C9: variants seen among roughly 807,000 people sequenced by gnomAD.
C9 encodes complement component C9.
C9 carries 63 observed loss-of-function variants against 65.4 expected under a neutral mutation model. The ratio of observed to expected loss-of-function variants is 0.96; its 90% CI spans 0.79 to 1.19. C9 has a LOEUF of 1.19. Among genes scored for constraint, C9 ranks in the 50% most tolerant of loss-of-function variants. The pLI is 0.00. For synonymous variants in C9, 229 were observed against 227.9 expected, an observed-to-expected ratio of 1.00 and a Z score of -0.04; for missense variants, 744 against 670.1, an observed-to-expected ratio of 1.11 and a Z score of -1.22.
In C9 at chr5:39,313,014, T is replaced by C. The variant is rs372155201; in HGVS notation, c.871-1637A>G. Reference sequence around the variant, plus strand: ...GCATATTTGGATTTCTTTTCAGTTTTGCTAAAACTGGGAGGTATATCTTGG... The same window carrying C: ...GCATATTTGGATTTCTTTTCAGTTTCGCTAAAACTGGGAGGTATATCTTGG... On this transcript the variant is annotated intron_variant, in intron 6 of 10. Transcript: ENST00000263408. 7.2e-5 allele frequency among the ~76,000 whole-genome samples: 11 copies of C among 152,204 alleles called. No individual in the cohort carries two copies. The South Asian group carries it at 1.7e-3, about 23-fold the overall frequency.
In C9 at chr5:39,362,265, C is replaced by T. The variant is rs151223083; in HGVS notation, c.77+2123G>A. 3.8e-3 allele frequency among the ~76,000 whole-genome samples: 572 copies of T among 152,214 alleles called. 1 individual carries two copies. Among genetic ancestry groups the T allele is most frequent in the Middle Eastern group, 0.014 (4 of 294 alleles). ...AGAGGTAATCAAGTTAAAATGACATCGTTAGGGTGGGCCCTAATCCAATAT... is the reference window on the plus strand; with the variant it reads ...AGAGGTAATCAAGTTAAAATGACATTGTTAGGGTGGGCCCTAATCCAATAT... On this transcript the variant is annotated intron_variant, in intron 1 of 10. Transcript: ENST00000263408.
At chr5:39,350,978 T>C (rs896355410) in intron 1 of C9, among the ~76,000 whole-genome samples, 3 of 152,326 alleles carry the variant, frequency 2.0e-5, no homozygotes, top group African/African-American at 7.2e-5. Flanking sequence ...ACCGTCCCTA[T>C]AGCAAACTTC....
chr5:39,319,503 T>C (rs1753629688), intron 5 of C9, among the ~76,000 whole-genome samples: 1 of 152,092 alleles, frequency 6.6e-6, no homozygotes, highest in South Asian at 2.1e-4. Context: ...ACTCCAGCTA[T>C]AACCCAATGC....
Position 39,302,666 on chromosome 5 carries a change from G to C in C9, c.1416+3951C>G, listed in dbSNP as rs145017297. 2.7e-3 allele frequency among the ~76,000 whole-genome samples: 415 copies of C among 152,238 alleles called. 1 individual carries two copies. Among genetic ancestry groups the C allele is most frequent in the Non-Finnish European group, 3.8e-3 (258 of 68,016 alleles). On this transcript the variant is annotated intron_variant, in intron 9 of 10. Transcript: ENST00000263408. ...AATACAGCTTAACATATAGACATAT[G>C]AGTGGTTGAGGGAAATGGGAAAGGA...
At chr5:39,285,751 C>T (rs541144912) in intron 10 of C9, among the ~76,000 whole-genome samples, 2 of 150,492 alleles carry the variant, frequency 1.3e-5, no homozygotes, top group Non-Finnish European at 3.0e-5. Context: ...CAATGACCAA[C>T]CTGGTTGAGA....
intron 5 of C9, among the ~76,000 whole-genome samples, chr5:39,319,465 A>G (rs1398950743): frequency 6.6e-6 from 1 of 152,028 alleles, no homozygotes; most frequent in Non-Finnish European, 1.5e-5. Context: ...CTGTAGCCCT[A>G]GACTCAGGAT....
At chr5:39,304,915 C>T (rs1339897335) in intron 9 of C9, among the ~76,000 whole-genome samples, 1 of 152,058 alleles carries the variant, frequency 6.6e-6, no homozygotes. Context: ...CAGCAGCTGC[C>T]TTATTTACTT....
intron 10 of C9, 128 bp from the exon 11 acceptor site, chr5:39,285,361 G>T (rs1412256553): frequency 4.0e-6 from 3 of 754,994 alleles, no homozygotes; most frequent in Admixed American, 3.9e-5. Flanking sequence ...TAGGTACTGG[G>T]AATAGAATGT....
At position 39,347,176 on chromosome 5, in the gene C9, A is replaced by C. The variant is rs549381212; in HGVS notation, c.78-4980T>G. 2.0e-5 allele frequency among the ~76,000 whole-genome samples: 3 copies of C among 152,336 alleles called. No individual in the cohort carries two copies. The East Asian group carries it at 5.8e-4, about 29-fold the overall frequency. ...AGTGTTGGAAGTTCTGGCCAGGGCAATAAGGCAGGAGAAAGAAATAAAGGG... is the reference window on the plus strand; with the variant it reads ...AGTGTTGGAAGTTCTGGCCAGGGCACTAAGGCAGGAGAAAGAAATAAAGGG... On this transcript the variant is annotated intron_variant, in intron 1 of 10. Coordinates refer to ENST00000263408, the MANE Select transcript of C9 (RefSeq NM_001737.5).
At chr5:39,333,572 C>CTCTCTGTCTCCCTCTCCG (rs1561347078) in intron 4 of C9, among the ~76,000 whole-genome samples, 7 of 143,438 alleles carry the variant, frequency 4.9e-5, no homozygotes, top group African/African-American at 1.7e-4. Flanking sequence ...CTCCCTCTCC[C>CTCTCTGTCTCCCTCTCCG]TCTCCCTCTC....
chr5:39,345,943 C>T (rs778151870), intron 1 of C9, among the ~76,000 whole-genome samples: 1 of 151,902 alleles, frequency 6.6e-6, no homozygotes, highest in East Asian at 1.9e-4. Flanking sequence ...CGAAATGAAG[C>T]CAGAAATAAA....
chr5:39,342,335 A>C (rs1412387722), intron 1 of C9, 139 bp from the exon 2 acceptor site: 4 of 603,878 alleles, frequency 6.6e-6, no homozygotes, highest in Non-Finnish European at 9.0e-6. Context: ...CTCTCATTTC[A>C]CCCTCAATTG....
intron 5 of C9, among the ~76,000 whole-genome samples, chr5:39,331,368 G>A (rs1007467983): frequency 4.6e-5 from 7 of 152,120 alleles, no homozygotes; most frequent in African/African-American, 9.7e-5. Flanking sequence ...CAAGTAGCAC[G>A]TAAGCAGTGT....
In C9 at chr5:39,315,920, T is replaced by G; in HGVS notation, c.725A>C (p.Lys242Thr). The G allele has an allele frequency of 6.2e-7, 1 of 1,612,548 alleles. No homozygotes were observed. Among genetic ancestry groups the G allele is most frequent in the Non-Finnish European group, 8.5e-7 (1 of 1,178,750 alleles). Residue 242 changes from lysine to threonine, a missense_variant, in exon 6 of 11, where the codon AAA (lysine) becomes ACA (threonine). Physicochemically the swap from Lys to Thr is moderately conservative, Grantham distance 78. Coordinates refer to ENST00000263408, the MANE Select transcript of C9 (RefSeq NM_001737.5). ...TSNFNAAISL[K>T]FTPTETNKAE... ...TTTATTTGTTTCAGTGGGTGTAAAT[T>G]TTAGAGATATAGCTGCATTAAAATT...
intron 4 of C9, among the ~76,000 whole-genome samples, chr5:39,334,759 C>T (rs13176403): frequency 5.3e-5 from 8 of 150,856 alleles, no homozygotes; most frequent in South Asian, 4.2e-4. Context: ...TCTGCCCGGC[C>T]GCCCCTACTG....
chr5:39,324,715 A>T (rs1579859112), intron 5 of C9, among the ~76,000 whole-genome samples: 2 of 152,188 alleles, frequency 1.3e-5, no homozygotes, highest in East Asian at 3.8e-4. Context: ...CTCAATGTTA[A>T]GCATTCAGAA....
At chr5:39,359,087 T>C (rs1274785102) in intron 1 of C9, among the ~76,000 whole-genome samples, 4 of 65,126 alleles carry the variant, frequency 6.1e-5, no homozygotes, top group Non-Finnish European at 9.5e-5. Context: ...TGTATATATA[T>C]ATGTGTGTGT....
At chr5:39,306,584 A>C in intron 9 of C9, 33 bp downstream of exon 9, 1 of 1,532,868 alleles carries the variant, frequency 6.5e-7, no homozygotes, top group Non-Finnish European at 9.0e-7. Context: ...AAAATGACAC[A>C]GTCTTCTGTT....
Position 39,306,789 on chromosome 5 carries a change from T to A in C9, c.1244A>T (p.Asn415Ile). 6.2e-7 allele frequency: 1 copy of A among 1,608,494 alleles called. No individual in the cohort carries two copies. Among genetic ancestry groups the A allele is most frequent in the Non-Finnish European group, 8.5e-7 (1 of 1,175,076 alleles). Residue 415 changes from asparagine to isoleucine, a missense_variant, in exon 9 of 11, where the codon AAC (asparagine) becomes ATC (isoleucine). Physicochemically the swap from Asn to Ile is moderately radical, Grantham distance 149 (BLOSUM62 -3). Coordinates refer to ENST00000263408, the MANE Select transcript of C9 (RefSeq NM_001737.5). ...CVKRGEGRAV[N>I]ITSENLIDDV... is the part of the protein sequence containing the mutation. ...ATCTATGAGGTTTTCACTGGTGATG[T>A]TTACTGAGGAGAGAAGGAAGATTTA...
Sources: gnomAD v4.1 joint callset for allele counts (sites outside exome capture counted in the v4.1 genomes callset) on GRCh38, gnomAD v4.1.1 for gene constraint, MANE v1.5 for transcripts, NCBI Gene and HGNC (gene_info 2026-07-23, HGNC 2026-07-21) for gene names.